AKT1: variants seen among roughly 807,000 people sequenced by gnomAD.
The protein encoded by AKT1 is RAC-alpha serine/threonine-protein kinase.
A neutral mutation model predicts 63.1 loss-of-function variants in AKT1; 21 were observed. The observed-to-expected ratio is 0.33, with a 90% CI of 0.24 to 0.48. The LOEUF is 0.48. AKT1 is among the 20% of genes least tolerant of loss of function. AKT1 has a pLI of 0.99. For synonymous variants in AKT1, 257 were observed against 253.1 expected, an observed-to-expected ratio of 1.02 and a Z score of -0.15; for missense variants, 382 against 666.0, an observed-to-expected ratio of 0.57 and a Z score of 4.69.
chr14:104,773,723 C>T, intron 9 of AKT1, 143 bp from the exon 10 acceptor site: 1 of 1,338,356 alleles, frequency 7.5e-7, no homozygotes, highest in Non-Finnish European at 1.0e-6. Flanking sequence ...TGGAAAGTCT[C>T]AGAAGCCCTA....
At chr14:104,777,021 C>G in intron 4 of AKT1, 1 of 476,462 alleles carries the variant, frequency 2.1e-6, no homozygotes, top group South Asian at 2.3e-5. Flanking sequence ...TCAGGTCAAA[C>G]CCCCACCATC....
rs573353277 is a variant in AKT1 at position 104,770,293 on chromosome 14, C to T, written c.*48G>A. The T allele has an allele frequency of 2.6e-6, 4 of 1,564,194 alleles. No individual in the cohort carries two copies. Among genetic ancestry groups the T allele is most frequent in the Admixed American group, 3.6e-5 (2 of 55,946 alleles). ...TTAAATACAGATCATGGCACGAGGC[C>T]GCCTCTCCATCCCTCCAAGCTATCG... On this transcript the variant is annotated 3_prime_UTR_variant, in exon 15 of 15. Transcript: ENST00000649815.
In AKT1 at chr14:104,772,391, C is replaced by A; in HGVS notation, c.1234G>T (p.Val412Leu). 6.2e-7 allele frequency: 1 copy of A among 1,613,884 alleles called. No individual in the cohort carries two copies. The highest frequency in any genetic ancestry group is 1.7e-5 in the Admixed American group (1 of 60,028). ...IMQHRFFAGI[V>L]WQHVYEKKLS... is the part of the protein sequence containing the mutation. ...TTCTTCTCGTACACGTGCTGCCACA[C>A]GATACCGGCAAAGAAGCGATGCTGC... Residue 412 changes from valine to leucine, a missense_variant, in exon 13 of 15, where the codon GTG (valine) becomes TTG (leucine). Val to Leu is a conservative substitution (Grantham distance 32). Transcript: ENST00000649815.
In AKT1 at chr14:104,780,981, G is replaced by A. The variant is rs36214556; in HGVS notation, c.47-765C>T. Among the ~76,000 whole-genome samples the A allele has an allele frequency of 8.9e-3, 1,363 of 152,298 alleles. 9 individuals are homozygous for A. The highest frequency in any genetic ancestry group is 0.029 in the South Asian group (139 of 4,826). On this transcript the variant is annotated intron_variant, in intron 3 of 14. Coordinates refer to ENST00000649815, the MANE Select transcript of AKT1 (RefSeq NM_001382430.1). ...AGACCCACACTCAGGCCCTGCCGCC[G>A]TCGGCCCTGCCGCGTCCCACCCGTG...
Position 104,776,782 on chromosome 14 carries a change from C to T in AKT1, c.176-12G>A. 5.0e-6 allele frequency: 8 copies of T among 1,610,760 alleles called. No individual in the cohort carries two copies. The highest frequency in any genetic ancestry group is 1.3e-5 in the African/African-American group (1 of 75,024). ...CATCAGCTGGCACTCTGCGGGCAGG[C>T]AGAGCCTCTGTCTGCGTGCATCCCC... On this transcript the variant is annotated splice_polypyrimidine_tract_variant and intron_variant, in intron 4 of 14. Coordinates refer to ENST00000649815, the MANE Select transcript of AKT1 (RefSeq NM_001382430.1).
At position 104,769,832 on chromosome 14, in the gene AKT1, TG is replaced by T; in HGVS notation, c.*508del. 2.6e-6 allele frequency: 1 copy of T among 392,144 alleles called. No homozygotes were observed. Among genetic ancestry groups the T allele is most frequent in the Non-Finnish European group, 4.8e-6 (1 of 210,230 alleles). The allele number at this position is 392,144 out of a possible 1,614,324, so 24.3% of individuals were successfully genotyped here. A position where few individuals can be genotyped will look rare whatever the true frequency, so the allele number is the denominator to read the frequency against. On this transcript the variant is annotated 3_prime_UTR_variant, in exon 15 of 15. Transcript: ENST00000649815. The stretch of plus-strand genomic sequence containing the variant: ...GTCCTCAGAGACACGGCCTTAGTGC[TG>T]GGGGGCTGCTGTGTGCCTGCCACCC...
intron 8 of AKT1, chr14:104,774,522 G>A (rs976538031): frequency 1.1e-4 from 26 of 244,748 alleles, no homozygotes; most frequent in African/African-American, 1.8e-4. Context: ...CAAACACAGT[G>A]ACCTGGAACT....
chr14:104,793,784 A>C (rs1380159098), intron 1 of AKT1: 1 of 152,830 alleles, frequency 6.5e-6, no homozygotes, highest in Non-Finnish European at 1.5e-5. Context: ...ATCACCAACT[A>C]CAGGCATCCC....
At chr14:104,772,078 G>A in intron 13 of AKT1, 1 of 542,618 alleles carries the variant, frequency 1.8e-6, no homozygotes, top group Non-Finnish European at 3.3e-6. Flanking sequence ...GGCACTCAGA[G>A]TGTGACACAC....
intron 3 of AKT1, among the ~76,000 whole-genome samples, chr14:104,780,833 C>T (rs917641500): frequency 3.3e-5 from 5 of 152,266 alleles, no homozygotes; most frequent in East Asian, 3.9e-4. Flanking sequence ...GCCGTGGGAT[C>T]GCACTCCCTG....
intron 3 of AKT1, among the ~76,000 whole-genome samples, chr14:104,785,168 C>T (rs1893266233): frequency 1.3e-5 from 2 of 152,168 alleles, no homozygotes; most frequent in African/African-American, 2.4e-5. Context: ...ATTGAGCAGA[C>T]GGCTCCGCTG....
At chr14:104,771,135 T>A (rs1051191020) in intron 13 of AKT1, 1 of 417,754 alleles carries the variant, frequency 2.4e-6, no homozygotes, top group East Asian at 3.7e-5. Flanking sequence ...TGAGAGACCC[T>A]CCCTGCTACC....
intron 4 of AKT1, among the ~76,000 whole-genome samples, chr14:104,779,133 AGGGTTCCCGTCTGACAT>A (rs1892888143): frequency 6.6e-6 from 1 of 152,168 alleles, no homozygotes; most frequent in Non-Finnish European, 1.5e-5. Flanking sequence ...TCTCCATGCC[AGGGTTCCCGTCTGACAT>A]GGGTAGGGTC....
chr14:104,775,497 G>T, intron 6 of AKT1, 155 bp downstream of exon 6: 1 of 1,174,982 alleles, frequency 8.5e-7, no homozygotes, highest in Non-Finnish European at 1.2e-6. Context: ...GGACCCACCT[G>T]GGAAGCAGCT....
chr14:104,770,430 T>C lies in AKT1; in HGVS notation c.1364-10A>G, dbSNP rs755530413. On this transcript the variant is annotated splice_polypyrimidine_tract_variant and intron_variant, in intron 14 of 14. Transcript: ENST00000649815. Reference sequence around the variant, plus strand: ...CACTCCATGCTGTCATCTGTGGGTGTAGACAGCTCAGACCCCGGTGCCCCA... The same window carrying C: ...CACTCCATGCTGTCATCTGTGGGTGCAGACAGCTCAGACCCCGGTGCCCCA... The C allele has an allele frequency of 4.1e-5, 65 of 1,590,438 alleles. No homozygotes were observed. Among genetic ancestry groups the C allele is most frequent in the Non-Finnish European group, 3.3e-5 (39 of 1,168,756 alleles).
chr14:104,781,255 C>A (rs1893022596), intron 3 of AKT1, among the ~76,000 whole-genome samples: 1 of 151,330 alleles, frequency 6.6e-6, no homozygotes. Flanking sequence ...GGGAGGGGGC[C>A]AGGGTAAGGG....
intron 13 of AKT1, chr14:104,771,307 A>T (rs964447822): frequency 4.0e-6 from 1 of 251,826 alleles, no homozygotes; most frequent in Non-Finnish European, 7.7e-6. Flanking sequence ...GCCTGCTGGC[A>T]TCTGGCTGCA....
intron 4 of AKT1, 52 bp downstream of exon 4, chr14:104,780,036 G>A (rs2140947955): frequency 2.5e-6 from 4 of 1,595,908 alleles, no homozygotes; most frequent in South Asian, 1.1e-5. Context: ...GGCAAAGAGG[G>A]CTCCAGCCAA....
Position 104,780,316 on chromosome 14 carries a change from G to A in AKT1, c.47-100C>T, listed in dbSNP as rs942310882. ...GGGTGTGCCAGGACAGATGTGCCTG[G>A]GATGCCTGAGTCCCAGGGGGCAGGC... On this transcript the variant is annotated intron_variant, in intron 3 of 14. Coordinates refer to ENST00000649815, the MANE Select transcript of AKT1 (RefSeq NM_001382430.1). 1.1e-5 allele frequency: 16 copies of A among 1,499,040 alleles called. No homozygotes were observed. In the African/African-American group the frequency reaches 1.7e-4, roughly 16 times the overall value. The allele number at this position is 1,499,040 out of a possible 1,614,324, so 92.9% of individuals were successfully genotyped here. A position where few individuals can be genotyped will look rare whatever the true frequency, so the allele number is the denominator to read the frequency against.
Sources: gnomAD v4.1 joint callset for allele counts (sites outside exome capture counted in the v4.1 genomes callset) on GRCh38, gnomAD v4.1.1 for gene constraint, MANE v1.5 for transcripts, NCBI Gene and HGNC (gene_info 2026-07-23, HGNC 2026-07-21) for gene names.